PRKN: variants seen among roughly 807,000 people sequenced by gnomAD.
The protein encoded by PRKN is parkin RBR E3 ubiquitin protein ligase, also known as E3 ubiquitin-protein ligase parkin.
Under a neutral mutation model 59.5 loss-of-function variants are expected in PRKN, and 56 were observed. That is an observed-to-expected ratio of 0.94 (90% CI 0.76 to 1.18). The LOEUF (loss-of-function observed/expected upper bound fraction) is 1.18. Ranked by LOEUF, PRKN falls within the 50% of genes most tolerant of loss-of-function variation. The pLI, the probability that PRKN is intolerant of heterozygous loss-of-function variation, is 0.00. For synonymous variants in PRKN, 250 were observed against 222.1 expected (o/e 1.13, Z -1.12); for missense variants, 657 against 596.4 (o/e 1.10, Z -1.06).
chr6:162,707,517 G>A (rs1778379076), intron 1 of PRKN, among the ~76,000 whole-genome samples: 1 of 151,438 alleles, frequency 6.6e-6, no homozygotes, highest in Non-Finnish European at 1.5e-5. Flanking sequence ...TCTTTGTATT[G>A]ATTTTAAAAA....
At chr6:162,225,174 G>A (rs1778113923) in intron 3 of PRKN, among the ~76,000 whole-genome samples, 1 of 152,094 alleles carries the variant, frequency 6.6e-6, no homozygotes, top group Admixed American at 6.5e-5. Flanking sequence ...AACACAAAGA[G>A]TGACCGAACT....
chr6:161,494,774 C>T (rs918976075), intron 9 of PRKN, among the ~76,000 whole-genome samples: 10 of 152,204 alleles, frequency 6.6e-5, no homozygotes, highest in African/African-American at 2.2e-4. Context: ...CATGCTCCAG[C>T]TGGCTGAGGT....
intron 9 of PRKN, among the ~76,000 whole-genome samples, chr6:161,418,006 TG>T: frequency 6.6e-6 from 1 of 152,234 alleles, no homozygotes; most frequent in Admixed American, 6.5e-5. Context: ...GCTGACTCCA[TG>T]GGGGGCCTGG....
chr6:162,092,946 A>C (rs1011857281), intron 4 of PRKN, among the ~76,000 whole-genome samples: 3 of 152,172 alleles, frequency 2.0e-5, no homozygotes, highest in Non-Finnish European at 4.4e-5. Flanking sequence ...GATGTTACTG[A>C]TGTCTGCCTC....
chr6:161,453,737 C>T (rs184436053), intron 9 of PRKN, among the ~76,000 whole-genome samples: 43 of 133,654 alleles, frequency 3.2e-4, no homozygotes, highest in East Asian at 4.3e-4. Flanking sequence ...CTCCCTCCCT[C>T]CCTTCCTTCC....
rs1321208493 is a variant in PRKN, at chr6:162,201,250, C to T, written c.415G>A (p.Gly139Ser). 2 of 1,613,750 alleles carry T rather than the reference C, an allele frequency of 1.2e-6. No homozygotes were observed. The highest frequency in any genetic ancestry group is 1.7e-6 in the Non-Finnish European group (2 of 1,179,680). ...TAAAAGCTGTTGTAGATTGATCTAC[C>T]TGCTGGAGAAGAAAAAGCAGAAGAA... ...KDSPPAGSPAGRSIYNSFYVY... is the reference protein window; with the variant it reads ...KDSPPAGSPASRSIYNSFYVY... The change falls in exon 4 of 12, where the codon GGT becomes AGT. Residue 139 changes from glycine (G) to serine (S), a missense_variant and splice_region_variant. Gly to Ser is a moderately conservative substitution (Grantham distance 56). Coordinates refer to ENST00000366898, the MANE Select transcript of PRKN (RefSeq NM_004562.3).
chr6:161,931,554 T>C (rs1779172519), intron 6 of PRKN, among the ~76,000 whole-genome samples: 1 of 152,134 alleles, frequency 6.6e-6, no homozygotes, highest in Non-Finnish European at 1.5e-5. Flanking sequence ...GTAGATTTCT[T>C]TATCAATTAC....
chr6:161,422,619 T>C (rs1038825350), intron 9 of PRKN, among the ~76,000 whole-genome samples: 2 of 152,130 alleles, frequency 1.3e-5, no homozygotes, highest in African/African-American at 4.8e-5. Flanking sequence ...TTCTTTTTTA[T>C]TCCCCCTTTC....
intron 2 of PRKN, among the ~76,000 whole-genome samples, chr6:162,321,531 A>G (rs1482007253): frequency 1.3e-5 from 2 of 151,968 alleles, no homozygotes; most frequent in African/African-American, 2.4e-5. Flanking sequence ...ATTTTTTTTC[A>G]GCCATTATTA....
chr6:162,125,148 CAGTT>C (rs1180630327), intron 4 of PRKN, among the ~76,000 whole-genome samples: 26 of 152,206 alleles, frequency 1.7e-4, no homozygotes, highest in Non-Finnish European at 3.2e-4. Flanking sequence ...ATGACACTAA[CAGTT>C]AGCAAACATA....
intron 4 of PRKN, among the ~76,000 whole-genome samples, chr6:162,065,876 C>T (rs879189941): frequency 6.6e-6 from 1 of 152,174 alleles, no homozygotes; most frequent in Admixed American, 6.5e-5. Context: ...CAGCTTCGTC[C>T]ATGTCTCTGC....
chr6:161,501,962 C>T (rs377178347), intron 9 of PRKN, among the ~76,000 whole-genome samples: 2 of 152,150 alleles, frequency 1.3e-5, no homozygotes, highest in Non-Finnish European at 1.5e-5. Flanking sequence ...TATAACACTA[C>T]GTTTCTAAGA....
intron 7 of PRKN, among the ~76,000 whole-genome samples, chr6:161,620,033 A>T (rs1335906920): frequency 2.6e-5 from 3 of 116,498 alleles, no homozygotes; most frequent in African/African-American, 1.0e-4. Flanking sequence ...TCTGTCTCCC[A>T]GGCTGGAGTG....
intron 1 of PRKN, chr6:162,568,878 G>T (rs534172150): frequency 3.0e-4 from 214 of 702,680 alleles, no homozygotes; most frequent in South Asian, 1.7e-3. Context: ...TACAGAGATG[G>T]AGAATGAATT....
In PRKN at chr6:161,349,446, C is replaced by A; in HGVS notation, c.*653G>T. On this transcript the variant is annotated 3_prime_UTR_variant, in exon 12 of 12. Transcript: ENST00000366898. The surrounding 1 kb of genome is among the most constrained non-coding windows in gnomAD (Gnocchi z 5.5). ...TCTCACTTTGTGACAAGTTGATTTACGCATAGTTGGTATTTCATTAATGCG... is the reference window on the plus strand; with the variant it reads ...TCTCACTTTGTGACAAGTTGATTTAAGCATAGTTGGTATTTCATTAATGCG... The A allele has an allele frequency of 4.3e-6, 1 of 232,018 alleles. No individual in the cohort carries two copies. Among genetic ancestry groups the A allele is most frequent in the East Asian group, 6.1e-5 (1 of 16,280 alleles). The allele number at this position is 232,018 out of a possible 1,614,324, so 14.4% of individuals were successfully genotyped here. A position where few individuals can be genotyped will look rare whatever the true frequency, so the allele number is the denominator to read the frequency against.
chr6:161,681,261 C>T (rs1283194633), intron 7 of PRKN, among the ~76,000 whole-genome samples: 1 of 152,096 alleles, frequency 6.6e-6, no homozygotes, highest in Admixed American at 6.5e-5. Flanking sequence ...TGCACCCAGC[C>T]TTGTTAATAG....
At chr6:162,711,429 A>AAC (rs1778532409) in intron 1 of PRKN, among the ~76,000 whole-genome samples, 1 of 151,426 alleles carries the variant, frequency 6.6e-6, no homozygotes, top group South Asian at 2.1e-4. Flanking sequence ...TTAAAAAAAA[A>AAC]AAAAAACCAG....
In PRKN at chr6:161,385,566, C is replaced by T. The variant is rs1786203877; in HGVS notation, c.1167+1228G>A. Among the ~76,000 whole-genome samples, 1 of 152,304 alleles carries T rather than the reference C, an allele frequency of 6.6e-6. No individual in the cohort carries two copies. The highest frequency in any genetic ancestry group is 2.4e-5 in the African/African-American group (1 of 41,578). ...AATGCTCTTCTTTCCCTTACAGCTA[C>T]TGTTTCCAAATAAATACTGTAGATG... On this transcript the variant is annotated intron_variant, in intron 10 of 11. Coordinates refer to ENST00000366898, the MANE Select transcript of PRKN (RefSeq NM_004562.3). The surrounding 1 kb of genome is among the most constrained non-coding windows in gnomAD (Gnocchi z 4.9).
Position 161,785,915 on chromosome 6 carries a change from A to C in PRKN, c.735-7T>G, listed in dbSNP as rs1272898370. 6.2e-7 allele frequency: 1 copy of C among 1,613,720 alleles called. No individual in the cohort carries two copies. Among genetic ancestry groups the C allele is most frequent in the Non-Finnish European group, 8.5e-7 (1 of 1,179,684 alleles). On this transcript the variant is annotated splice_region_variant and splice_polypyrimidine_tract_variant and intron_variant, in intron 6 of 11. Coordinates refer to ENST00000366898, the MANE Select transcript of PRKN (RefSeq NM_004562.3). The stretch of plus-strand genomic sequence containing the variant: ...GAAAACCAGGACGGGGCTCCTGCAG[A>C]GAGAAAGGAAGATGTTTCCTCTAGT...
Sources: allele counts gnomAD v4.1 joint callset (sites outside exome capture counted in the v4.1 genomes callset), GRCh38; gene constraint gnomAD v4.1.1; non-coding constraint Gnocchi (gnomAD v3.1); transcripts MANE v1.5; gene names NCBI Gene and HGNC (gene_info 2026-07-23, HGNC 2026-07-21).